The following ZNF484 variants were observed in gnomAD, a reference collection of about 807,000 sequenced individuals.
ZNF484 encodes KRAB box containing C2H2 type zinc finger bA526D8.4.
ZNF484 carries 11 observed loss-of-function variants against 12.9 expected under a neutral mutation model. That is an observed-to-expected ratio of 0.85 (90% confidence interval 0.54 to 1.41). The LOEUF (loss-of-function observed/expected upper bound fraction) is 1.41, where lower values mean the gene tolerates loss of function less well. Ranked by LOEUF, ZNF484 falls within the 40% of genes most tolerant of loss-of-function variation. ZNF484 has a pLI of 0.00. For missense variants in ZNF484, 807 were observed against 1,007.7 expected (o/e 0.80, Z 2.70); for synonymous variants, 289 against 334.1 (o/e 0.86, Z 1.47).
chr9:92,860,237 G>C (rs549427391), intron 2 of ZNF484, among the ~76,000 whole-genome samples: 1 of 152,272 alleles, frequency 6.6e-6, no homozygotes, highest in South Asian at 2.1e-4. Flanking sequence ...CAAAGATTTA[G>C]AGGTTACCTC....
In ZNF484 at chr9:92,846,748, T is replaced by C. The variant is rs150406127; in HGVS notation, c.2039A>G (p.His680Arg). Residue 680 changes from histidine to arginine, a missense_variant, in exon 5 of 5, where the codon CAT becomes CGT. His to Arg is a conservative substitution (Grantham distance 29, BLOSUM62 0). Coordinates refer to ENST00000375495, the MANE Select transcript of ZNF484 (RefSeq NM_031486.4). ...GKAFTRKSGL[H>R]IHQQSHTGER... ...TCCAGTATGGGATTGCTGATGTATA[T>C]GGAGACCTGACTTCCTAGTGAAGGC... The C allele has an allele frequency of 1.5e-3, 2,401 of 1,613,924 alleles. 3 individuals carry two copies. Among genetic ancestry groups the C allele is most frequent in the Admixed American group, 3.0e-3 (180 of 60,006 alleles).
At chr9:92,858,173 G>A (rs1205471047) in intron 2 of ZNF484, among the ~76,000 whole-genome samples, 1 of 152,176 alleles carries the variant, frequency 6.6e-6, no homozygotes, top group African/African-American at 2.4e-5. Context: ...ATGAAAAGAG[G>A]ACTATCTTTA....
chr9:92,845,123 A>G lies in ZNF484; in HGVS notation c.*1105T>C, dbSNP rs1448418031. The G allele has an allele frequency of 1.3e-5, 2 of 152,196 alleles. No individual in the cohort carries two copies. Among genetic ancestry groups the G allele is most frequent in the Non-Finnish European group, 2.9e-5 (2 of 68,016 alleles). 9.4% of individuals were successfully genotyped at this position (152,196 alleles called of 1,614,324 possible). A position where few individuals can be genotyped will look rare whatever the true frequency, so the allele number is the denominator to read the frequency against. On this transcript the variant is annotated 3_prime_UTR_variant, in exon 5 of 5. Transcript: ENST00000375495. This position sits in a 1 kb window ranked among gnomAD's most constrained non-coding sequence, Gnocchi z 4.0. ...TACTAGAGATAAAAAGAAACATCTA[A>G]TAATGATAATGTGTCAATTAACCAG...
chr9:92,867,615 A>G (rs1453236635), intron 2 of ZNF484, among the ~76,000 whole-genome samples: 1 of 152,226 alleles, frequency 6.6e-6, no homozygotes, highest in African/African-American at 2.4e-5. Flanking sequence ...GTATCCTGGA[A>G]CTTAAAGTAA....
intron 2 of ZNF484, among the ~76,000 whole-genome samples, chr9:92,873,973 G>T (rs943241537): frequency 4.6e-5 from 7 of 152,152 alleles, no homozygotes; most frequent in African/African-American, 1.7e-4. Context: ...TTATTCCATG[G>T]ATGCAACGCT....
At chr9:92,852,528 C>CAT (rs1856161576) in intron 4 of ZNF484, among the ~76,000 whole-genome samples, 1 of 118,072 alleles carries the variant, frequency 8.5e-6, no homozygotes, top group African/African-American at 3.8e-5. Flanking sequence ...CCACGCCCAG[C>CAT]CTTTTTTTTT....
intron 2 of ZNF484, among the ~76,000 whole-genome samples, chr9:92,860,997 A>G (rs1467266625): frequency 1.3e-5 from 2 of 152,192 alleles, no homozygotes; most frequent in Non-Finnish European, 2.9e-5. Context: ...TCAACATAGA[A>G]AAAGCTTTCA....
At chr9:92,869,921 A>G (rs1857331158) in intron 2 of ZNF484, among the ~76,000 whole-genome samples, 2 of 152,260 alleles carry the variant, frequency 1.3e-5, no homozygotes, top group Non-Finnish European at 2.9e-5. Context: ...TGAAATACTT[A>G]TTTTTAAAAG....
rs145197582 is a variant in ZNF484 at position 92,848,910 on chromosome 9, AAAAT to A, written c.236-363_236-360del. 0.22 allele frequency among the ~76,000 whole-genome samples: 31,095 copies of A among 141,202 alleles called. 3,774 individuals carry two copies. The highest frequency in any genetic ancestry group is 0.25 in the South Asian group (1,077 of 4,244). The allele number at this position is 141,202 out of a possible 152,430, so 92.6% of individuals were successfully genotyped here. On this transcript the variant is annotated intron_variant, in intron 4 of 4. Transcript: ENST00000375495. The surrounding 1 kb of genome is among the most constrained non-coding windows in gnomAD (Gnocchi z 4.1). ...GGTGACAGAGCAAGACTCTGTCTCC[AAAAT>A]AAATAAATAAATAAATAAATAAATA...
At chr9:92,856,664 T>A (rs1856482638) in intron 2 of ZNF484, among the ~76,000 whole-genome samples, 1 of 152,136 alleles carries the variant, frequency 6.6e-6, no homozygotes, top group African/African-American at 2.4e-5. Flanking sequence ...AAAGAAAATG[T>A]CTAAAATTGA....
intron 4 of ZNF484, among the ~76,000 whole-genome samples, chr9:92,849,990 C>T (rs910275017): frequency 2.0e-5 from 3 of 151,970 alleles, no homozygotes; most frequent in Admixed American, 1.3e-4. Flanking sequence ...TTAGTAGAGA[C>T]GGGGATTCAC....
chr9:92,851,720 A>G, intron 4 of ZNF484, among the ~76,000 whole-genome samples: 1 of 152,156 alleles, frequency 6.6e-6, no homozygotes, highest in Non-Finnish European at 1.5e-5. Context: ...CCAAACATAC[A>G]GTCTTTTCAT....
intron 4 of ZNF484, among the ~76,000 whole-genome samples, chr9:92,852,635 C>A (rs1025124117): frequency 2.8e-5 from 4 of 143,718 alleles, no homozygotes; most frequent in South Asian, 2.2e-4. Flanking sequence ...CTCCTGGGAT[C>A]AAGTGATTCT....
At position 92,866,469 on chromosome 9, in the gene ZNF484, A is replaced by C. The variant is rs558100305; in HGVS notation, c.15+8546T>G. Among the ~76,000 whole-genome samples, 4 of 152,040 alleles carry C rather than the reference A, an allele frequency of 2.6e-5. No homozygotes were observed. In the East Asian group the frequency reaches 7.7e-4, roughly 29 times the overall value. On this transcript the variant is annotated intron_variant, in intron 2 of 4. Transcript: ENST00000375495. ...CCATCTCATGCCAGTCAGAATGGCT[A>C]TTATTAAAAAGTCAAGAAACAATAG...
intron 2 of ZNF484, among the ~76,000 whole-genome samples, chr9:92,865,952 A>G (rs1587758213): frequency 6.6e-6 from 1 of 152,236 alleles, no homozygotes; most frequent in Non-Finnish European, 1.5e-5. Context: ...TCACAAGAGC[A>G]TATTTCGTAA....
At chr9:92,858,612 T>A (rs1259490646) in intron 2 of ZNF484, among the ~76,000 whole-genome samples, 1 of 152,046 alleles carries the variant, frequency 6.6e-6, no homozygotes, top group Non-Finnish European at 1.5e-5. Context: ...ATAATGGAAA[T>A]AATAATGCAA....
Position 92,856,239 on chromosome 9 carries a change from A to C in ZNF484, c.95T>G (p.Leu32Arg), listed in dbSNP as rs1856444242. 6.2e-7 allele frequency: 1 copy of C among 1,613,912 alleles called. No homozygotes were observed. The highest frequency in any genetic ancestry group is 8.5e-7 in the Non-Finnish European group (1 of 1,179,996). Reference sequence around the variant, plus strand: ...GTTTTCCAGCATCACTTCTCTGTACAGGCTTTTCTGAGCAAGGTCTAATTG... The same window carrying C: ...GTTTTCCAGCATCACTTCTCTGTACCGGCTTTTCTGAGCAAGGTCTAATTG... ...WQQLDLAQKSLYREVMLENYF... is the reference protein window; with the variant it reads ...WQQLDLAQKSRYREVMLENYF... The change falls in exon 3 of 5, where the codon CTG (leucine) becomes CGG (arginine). Residue 32 changes from leucine to arginine, a missense_variant. Physicochemically the swap from Leu to Arg is moderately radical, Grantham distance 102. Transcript: ENST00000375495.
In ZNF484 at chr9:92,848,559, A is replaced by T. The variant is rs767722905; in HGVS notation, c.236-8T>A. 1.9e-6 allele frequency: 3 copies of T among 1,560,592 alleles called. No homozygotes were observed. The highest frequency in any genetic ancestry group is 2.8e-5 in the African/African-American group (2 of 72,478). On this transcript the variant is annotated splice_region_variant and splice_polypyrimidine_tract_variant and intron_variant, in intron 4 of 4. Transcript: ENST00000375495. This position sits in a 1 kb window ranked among gnomAD's most constrained non-coding sequence, Gnocchi z 4.1. Reference sequence around the variant, plus strand: ...CAAAACCAATGTCCCCATCTAAAAAAGAAAGAAAAGATAAGACTGACAAAA... The same window carrying T: ...CAAAACCAATGTCCCCATCTAAAAATGAAAGAAAAGATAAGACTGACAAAA...
At chr9:92,850,050 C>T (rs369674953) in intron 4 of ZNF484, among the ~76,000 whole-genome samples, 63 of 152,312 alleles carry the variant, frequency 4.1e-4, no homozygotes, top group Middle Eastern at 3.4e-3. Context: ...ATCTGTCCGC[C>T]TCGGCCTCCC....
Sources: allele counts gnomAD v4.1 joint callset (sites outside exome capture counted in the v4.1 genomes callset), GRCh38; gene constraint gnomAD v4.1.1; non-coding constraint Gnocchi (gnomAD v3.1); transcripts MANE v1.5; gene names NCBI Gene and HGNC (gene_info 2026-07-23, HGNC 2026-07-21).